Variants in DAB2IP observed in about 807,000 individuals in gnomAD.
DAB2IP encodes the protein DAB2 interacting protein, also known as disabled homolog 2-interacting protein.
DAB2IP carries 28 observed loss-of-function variants against 107.2 expected under a neutral mutation model. That is an observed-to-expected ratio of 0.26 (90% CI 0.19 to 0.36). DAB2IP has a LOEUF of 0.36. Among genes scored for constraint, DAB2IP ranks in the 10% least tolerant of loss-of-function variants. DAB2IP has a pLI of 1.00. For synonymous variants in DAB2IP, 755 were observed against 706.4 expected, an observed-to-expected ratio of 1.07 and a Z score of -1.09; for missense variants, 1,400 against 1,644.7, an observed-to-expected ratio of 0.85 and a Z score of 2.57.
intron 1 of DAB2IP, among the ~76,000 whole-genome samples, chr9:121,629,092 AGAAC>A (rs1451553803): frequency 6.6e-6 from 1 of 152,192 alleles, no homozygotes; most frequent in Admixed American, 6.5e-5. Flanking sequence ...CTTGCCTAGT[AGAAC>A]CCCCCAGACT....
exon 16 of DAB2IP, chr9:121,784,435 G>A (rs529815939): frequency 5.9e-5 from 9 of 153,100 alleles, no homozygotes; most frequent in African/African-American, 1.7e-4. Context: ...GGAGGCTCCC[G>A]GGGCCTGGAC....
chr9:121,664,452 G>A (rs533993466), intron 1 of DAB2IP, among the ~76,000 whole-genome samples: 1 of 152,270 alleles, frequency 6.6e-6, no homozygotes, highest in South Asian at 2.1e-4. Context: ...TTTTGATTGG[G>A]ATTACGTTGA....
At chr9:121,612,474 T>C (rs1831129322) in intron 1 of DAB2IP, among the ~76,000 whole-genome samples, 1 of 152,208 alleles carries the variant, frequency 6.6e-6, no homozygotes, top group African/African-American at 2.4e-5. Context: ...AAAAGATTTC[T>C]TTAAGGTGCT....
At chr9:121,605,884 C>T (rs1431101086) in intron 1 of DAB2IP, among the ~76,000 whole-genome samples, 3 of 152,136 alleles carry the variant, frequency 2.0e-5, no homozygotes, top group African/African-American at 7.2e-5. Flanking sequence ...GTCGGGGGCC[C>T]ACAGACATGG....
intron 1 of DAB2IP, among the ~76,000 whole-genome samples, chr9:121,589,602 G>T (rs1830382301): frequency 1.3e-5 from 2 of 152,032 alleles, no homozygotes; most frequent in Non-Finnish European, 2.9e-5. Flanking sequence ...CCTGCTTGGG[G>T]ACCACCTGAT....
chr9:121,699,241 G>C lies in DAB2IP; in HGVS notation c.229-84G>C. The C allele has an allele frequency of 9.2e-7, 1 of 1,085,564 alleles. No individual in the cohort carries two copies. The allele number at this position is 1,085,564 out of a possible 1,614,324, so 67.2% of individuals were successfully genotyped here. On this transcript the variant is annotated intron_variant, in intron 2 of 15. Transcript: ENST00000408936. This position sits in a 1 kb window ranked among gnomAD's most constrained non-coding sequence, Gnocchi z 6.2. ...CCTCGGCCGCGCGGCCGCCCAGCAAGGGTGCGGGTCCCGCGCGGGTCCCGG... is the reference window on the plus strand; with the variant it reads ...CCTCGGCCGCGCGGCCGCCCAGCAACGGTGCGGGTCCCGCGCGGGTCCCGG...
rs1486662507 is a variant in DAB2IP, at chr9:121,782,468, C to T, written c.3540C>T (p.Asn1180=). 25 of 1,613,934 alleles carry T rather than the reference C, an allele frequency of 1.5e-5. No individual in the cohort carries two copies. Among genetic ancestry groups the T allele is most frequent in the East Asian group, 2.2e-5 (1 of 44,882 alleles). Residue 1180 remains asparagine, a synonymous_variant, in exon 16 of 16, where the codon AAC becomes AAT. Transcript: ENST00000408936. This position sits in a 1 kb window ranked among gnomAD's most constrained non-coding sequence, Gnocchi z 6.1. ...CCACCAAATTGCAGATTACTGAGAA[C>T]GGCGAGTTCAGAAACAGCAGCAATT...
intron 12 of DAB2IP, among the ~76,000 whole-genome samples, chr9:121,773,713 CCT>C (rs1421227009): frequency 1.3e-5 from 2 of 152,192 alleles, no homozygotes; most frequent in Non-Finnish European, 2.9e-5. Context: ...ACTCCAGGCT[CCT>C]CTGTCAGTGC....
intron 2 of DAB2IP, among the ~76,000 whole-genome samples, chr9:121,696,678 C>T (rs964753944): frequency 1.3e-5 from 2 of 152,212 alleles, no homozygotes; most frequent in Non-Finnish European, 2.9e-5. Context: ...TGGGGAAGGG[C>T]CTTCCCTACT....
At chr9:121,770,250 C>T (rs1290923813) in intron 10 of DAB2IP, among the ~76,000 whole-genome samples, 7 of 152,234 alleles carry the variant, frequency 4.6e-5, no homozygotes, top group Non-Finnish European at 8.8e-5. Context: ...GTGCTTTCCT[C>T]TCTGCGGAGG....
At chr9:121,732,422 T>C (rs1831598191) in intron 3 of DAB2IP, among the ~76,000 whole-genome samples, 1 of 152,022 alleles carries the variant, frequency 6.6e-6, no homozygotes, top group Admixed American at 6.6e-5. Context: ...AAGACACTGG[T>C]TGGGGGCCTG....
rs1828792391 is a variant in DAB2IP, at chr9:121,684,997, G to T, written c.228+6216G>T. Among the ~76,000 whole-genome samples, 1 of 152,178 alleles carries T rather than the reference G, an allele frequency of 6.6e-6. No individual in the cohort carries two copies. Among genetic ancestry groups the T allele is most frequent in the African/African-American group, 2.4e-5 (1 of 41,446 alleles). ...CGGTAGTGCTGGACCCCTGGGTGGGGTCCCACCATGGGCGCCCCAGTTTTC... is the reference window on the plus strand; with the variant it reads ...CGGTAGTGCTGGACCCCTGGGTGGGTTCCCACCATGGGCGCCCCAGTTTTC... On this transcript the variant is annotated intron_variant, in intron 2 of 15. Coordinates refer to ENST00000408936, the Ensembl canonical transcript of DAB2IP. This position sits in a 1 kb window ranked among gnomAD's most constrained non-coding sequence, Gnocchi z 4.0.
intron 2 of DAB2IP, among the ~76,000 whole-genome samples, chr9:121,685,976 A>T (rs1298097643): frequency 6.6e-6 from 1 of 152,224 alleles, no homozygotes; most frequent in Non-Finnish European, 1.5e-5. Context: ...ATCTAAGGCC[A>T]TATTAACAGG....
intron 3 of DAB2IP, among the ~76,000 whole-genome samples, chr9:121,710,957 G>A (rs1037460296): frequency 7.9e-5 from 12 of 152,208 alleles, no homozygotes; most frequent in Non-Finnish European, 1.8e-4. Context: ...AGCCCATCCA[G>A]CCTGCCTGAG....
At chr9:121,749,832 G>A (rs1378004709) in intron 3 of DAB2IP, among the ~76,000 whole-genome samples, 1 of 152,196 alleles carries the variant, frequency 6.6e-6, no homozygotes, top group African/African-American at 2.4e-5. Flanking sequence ...GAGTCGTCAC[G>A]GGACAGGAAC....
At chr9:121,768,660 G>T (rs1241247033) in intron 10 of DAB2IP, 27 bp downstream of exon 10, 9 of 1,611,308 alleles carry the variant, frequency 5.6e-6, no homozygotes, top group African/African-American at 1.3e-5. Context: ...GGCGGAGGTG[G>T]GGCCAAAAGC....
chr9:121,772,886 G>T lies in DAB2IP; in HGVS notation c.2358G>T (p.Pro786=). Reference sequence around the variant, plus strand: ...CAGCTCAGCTGGTGGCCGGGTGGCCGGCCCGGGCAACCCCAGTGAACCTGG... The same window carrying T: ...CAGCTCAGCTGGTGGCCGGGTGGCCTGCCCGGGCAACCCCAGTGAACCTGG... The change falls in exon 12 of 16, where the codon CCG becomes CCT. Residue 786 remains proline, a synonymous_variant. Coordinates refer to ENST00000408936, the Ensembl canonical transcript of DAB2IP. The surrounding 1 kb of genome is among the most constrained non-coding windows in gnomAD (Gnocchi z 4.7). The T allele has an allele frequency of 1.3e-6, 2 of 1,577,722 alleles. No individual in the cohort carries two copies. The highest frequency in any genetic ancestry group is 8.6e-7 in the Non-Finnish European group (1 of 1,165,560).
intron 1 of DAB2IP, among the ~76,000 whole-genome samples, chr9:121,579,904 C>T (rs1830152918): frequency 6.6e-6 from 1 of 152,196 alleles, no homozygotes; most frequent in South Asian, 2.1e-4. Flanking sequence ...CAGGACTTGG[C>T]CTCACCTTGC....
chr9:121,625,691 C>T (rs1831621001), intron 1 of DAB2IP, among the ~76,000 whole-genome samples: 1 of 147,656 alleles, frequency 6.8e-6, no homozygotes, highest in Non-Finnish European at 1.5e-5. Flanking sequence ...CCCAATGATG[C>T]CAGTTCTGAA....
Sources: allele counts gnomAD v4.1 joint callset (sites outside exome capture counted in the v4.1 genomes callset), GRCh38; gene constraint gnomAD v4.1.1; non-coding constraint Gnocchi (gnomAD v3.1); transcripts MANE v1.5; gene names NCBI Gene and HGNC (gene_info 2026-07-23, HGNC 2026-07-21).